RANBP2: variants seen among roughly 807,000 people sequenced by gnomAD.
The protein encoded by RANBP2 is E3 SUMO-protein ligase RanBP2.
A neutral mutation model predicts 303.6 loss-of-function variants in RANBP2; 57 were observed. That is an observed-to-expected ratio of 0.19 (90% confidence interval 0.15 to 0.23). The LOEUF (loss-of-function observed/expected upper bound fraction) is 0.23. Ranked by LOEUF, RANBP2 falls within the 10% of genes least tolerant of loss-of-function variation. The probability of loss-of-function intolerance (pLI) is 1.00; values close to 1 mark genes in which losing one functional copy is unlikely to be tolerated. For missense variants in RANBP2, 3,138 were observed against 3,780.8 expected (o/e 0.83, Z 4.46); for synonymous variants, 1,167 against 1,301.5 (o/e 0.90, Z 2.23).
chr2:109,090,499 G>A, the RANBP2 span, among the ~76,000 whole-genome samples: 1 of 152,056 alleles, frequency 6.6e-6, no homozygotes, highest in Non-Finnish European at 1.5e-5. Flanking sequence ...AATCAGGCTG[G>A]CATCCACCTC....
the RANBP2 span, among the ~76,000 whole-genome samples, chr2:109,607,615 T>C: frequency 6.6e-6 from 1 of 152,302 alleles, no homozygotes; most frequent in East Asian, 1.9e-4. Context: ...TTAATAAAAA[T>C]TAAATCTGTT....
At chr2:109,115,030 G>T in the RANBP2 span, among the ~76,000 whole-genome samples, 1 of 152,192 alleles carries the variant, frequency 6.6e-6, no homozygotes, top group African/African-American at 2.4e-5. Flanking sequence ...TTTTACATTT[G>T]CTGAGGAGAG....
At chr2:109,126,387 C>T in the RANBP2 span, among the ~76,000 whole-genome samples, 9 of 152,294 alleles carry the variant, frequency 5.9e-5, no homozygotes, top group East Asian at 1.9e-4. Flanking sequence ...GCTTCTGGCA[C>T]GGGCATCTGT....
chr2:108,909,136 T>C, the RANBP2 span, among the ~76,000 whole-genome samples: 19 of 152,338 alleles, frequency 1.2e-4, no homozygotes, highest in South Asian at 3.7e-3. Context: ...AAGCAGTATA[T>C]ATTTTTTCCT....
At chr2:109,500,960 G>T in the RANBP2 span, among the ~76,000 whole-genome samples, 1 of 152,236 alleles carries the variant, frequency 6.6e-6, no homozygotes, top group African/African-American at 2.4e-5. Context: ...AAAAAAATAA[G>T]GACAATTTAC....
At chr2:108,741,672 AT>A (rs996051475) in intron 7 of RANBP2, among the ~76,000 whole-genome samples, 24 of 144,192 alleles carry the variant, frequency 1.7e-4, no homozygotes, top group Non-Finnish European at 1.8e-4. Context: ...TGCCCAGCTA[AT>A]TTTTTTTTTG....
the RANBP2 span, among the ~76,000 whole-genome samples, chr2:108,835,822 C>A: frequency 6.6e-6 from 1 of 152,220 alleles, no homozygotes; most frequent in Admixed American, 6.5e-5. Context: ...ACTGCACAAT[C>A]TGTAAACAAC....
the RANBP2 span, among the ~76,000 whole-genome samples, chr2:109,522,634 G>A: frequency 6.7e-6 from 1 of 149,904 alleles, no homozygotes; most frequent in South Asian, 2.1e-4. Context: ...TCAAACTCCT[G>A]AGCTCAAGCA....
At chr2:109,409,470 T>G in the RANBP2 span, among the ~76,000 whole-genome samples, 2 of 152,138 alleles carry the variant, frequency 1.3e-5, no homozygotes, top group Admixed American at 1.3e-4. Flanking sequence ...CTGGGCCAGA[T>G]CCAACCTGTG....
the RANBP2 span, among the ~76,000 whole-genome samples, chr2:109,710,644 G>C: frequency 1.3e-5 from 2 of 152,162 alleles, no homozygotes; most frequent in Non-Finnish European, 1.5e-5. Flanking sequence ...AAGGTCCTAG[G>C]GGGCAGCCAT....
At chr2:109,716,158 A>G in the RANBP2 span, among the ~76,000 whole-genome samples, 2 of 152,172 alleles carry the variant, frequency 1.3e-5, no homozygotes, top group African/African-American at 4.8e-5. Context: ...GGGAGTAGGT[A>G]GGGGAATAGT....
At chr2:109,353,897 G>A in the RANBP2 span, among the ~76,000 whole-genome samples, 2 of 152,088 alleles carry the variant, frequency 1.3e-5, no homozygotes, top group Admixed American at 6.5e-5. Context: ...ACCCCCTGAG[G>A]GGCCCCTGCC....
chr2:108,788,720 A>G (rs1390185620), downstream of RANBP2: 3 of 1,282,240 alleles, frequency 2.3e-6, no homozygotes, highest in Non-Finnish European at 3.1e-6. Flanking sequence ...ACTCCGTCTC[A>G]AAGAAAAAAA....
At chr2:109,602,511 A>G in the RANBP2 span, among the ~76,000 whole-genome samples, 1 of 151,984 alleles carries the variant, frequency 6.6e-6, no homozygotes, top group Non-Finnish European at 1.5e-5. Flanking sequence ...CCCCATCTCT[A>G]CTAAAAGTAC....
chr2:109,087,603 T>C, the RANBP2 span, among the ~76,000 whole-genome samples: 2 of 152,208 alleles, frequency 1.3e-5, no homozygotes, highest in African/African-American at 4.8e-5. Context: ...CAAGTCCTCC[T>C]GCTAACACTA....
chr2:108,877,242 C>T, the RANBP2 span, among the ~76,000 whole-genome samples: 30 of 151,696 alleles, frequency 2.0e-4, no homozygotes, highest in Admixed American at 1.1e-3. Flanking sequence ...CTGAGGTGGG[C>T]GGATCACCTA....
chr2:109,125,676 A>G, the RANBP2 span, among the ~76,000 whole-genome samples: 2 of 152,276 alleles, frequency 1.3e-5, no homozygotes, highest in Non-Finnish European at 2.9e-5. Flanking sequence ...TGGCTCATAC[A>G]ATGCTTGTGG....
At chr2:108,993,732 C>T in the RANBP2 span, among the ~76,000 whole-genome samples, 8 of 152,200 alleles carry the variant, frequency 5.3e-5, no homozygotes, top group African/African-American at 1.9e-4. Context: ...AGTTATTTAA[C>T]TAAACTTTGA....
the RANBP2 span, among the ~76,000 whole-genome samples, chr2:109,181,375 A>G: frequency 6.6e-6 from 1 of 152,218 alleles, no homozygotes; most frequent in Non-Finnish European, 1.5e-5. Context: ...CCAGGGTTTC[A>G]GCAGTCTTGC....
Sources: gnomAD v4.1 joint callset for allele counts (sites outside exome capture counted in the v4.1 genomes callset) on GRCh38, gnomAD v4.1.1 for gene constraint, MANE v1.5 for transcripts, NCBI Gene and HGNC (gene_info 2026-07-23, HGNC 2026-07-21) for gene names.